Variants in NOX4 observed in about 807,000 individuals in gnomAD.
NOX4 encodes kidney oxidase-1.
In NOX4, 69 loss-of-function variants were observed where a neutral mutation model predicts 87.6. That is an observed-to-expected ratio of 0.79 (90% CI 0.65 to 0.96). NOX4 has a LOEUF of 0.96. Ranked by LOEUF, NOX4 falls within the 40% of genes least tolerant of loss-of-function variation. The pLI, the probability that NOX4 is intolerant of heterozygous loss-of-function variation, is 0.00. For synonymous variants in NOX4, 275 were observed against 238.2 expected (o/e 1.15, Z -1.42); for missense variants, 680 against 681.5 (o/e 1.00, Z 0.02).
At chr11:89,491,768 G>A (rs1309497947), upstream of NOX4, among the ~76,000 whole-genome samples, 3 of 106,646 alleles carry the variant, frequency 2.8e-5, no homozygotes, top group East Asian at 5.6e-4. Context: ...ACACACACAA[G>A]AAGACACAGC....
intron 11 of NOX4, among the ~76,000 whole-genome samples, chr11:89,382,675 G>A (rs1439367423): frequency 1.3e-5 from 2 of 151,876 alleles, no homozygotes; most frequent in Non-Finnish European, 1.5e-5. Flanking sequence ...GGCTGAATCA[G>A]GCTCCAAATC....
chr11:89,395,092 T>C (rs1003353969), intron 11 of NOX4, among the ~76,000 whole-genome samples: 11 of 152,188 alleles, frequency 7.2e-5, no homozygotes, highest in Non-Finnish European at 1.5e-4. Flanking sequence ...TCTCCCACAA[T>C]GGTTGAACTA....
chr11:89,465,868 G>A (rs1373187843), intron 2 of NOX4, among the ~76,000 whole-genome samples: 5 of 151,642 alleles, frequency 3.3e-5, no homozygotes, highest in Admixed American at 2.6e-4. Context: ...TGTAGATTCT[G>A]GATATTAGCC....
At chr11:89,464,628 G>A (rs1945600732) in intron 2 of NOX4, among the ~76,000 whole-genome samples, 1 of 152,028 alleles carries the variant, frequency 6.6e-6, no homozygotes, top group Non-Finnish European at 1.5e-5. Flanking sequence ...CTATGTGAAT[G>A]ATTTGTTTTA....
At chr11:89,506,307 G>A in the NOX4 span, among the ~76,000 whole-genome samples, 8 of 76,348 alleles carry the variant, frequency 1.0e-4, no homozygotes, top group Middle Eastern at 7.8e-3. Flanking sequence ...AAGAAAGAGA[G>A]AGAAAGAAAG....
chr11:89,370,636 C>A (rs1023396874), intron 12 of NOX4, among the ~76,000 whole-genome samples: 2 of 152,042 alleles, frequency 1.3e-5, no homozygotes, highest in African/African-American at 4.8e-5. Flanking sequence ...GAGAAATCTA[C>A]TTGGGTAATC....
chr11:89,568,353 GA>G, the NOX4 span, among the ~76,000 whole-genome samples: 1 of 152,144 alleles, frequency 6.6e-6, no homozygotes, highest in Non-Finnish European at 1.5e-5. Flanking sequence ...GAGTAATAAA[GA>G]AAACTGAAGA....
intron 2 of NOX4, among the ~76,000 whole-genome samples, chr11:89,461,352 T>C (rs1945454604): frequency 6.6e-6 from 1 of 151,206 alleles, no homozygotes; most frequent in African/African-American, 2.4e-5. Context: ...AATTAAAAAA[T>C]AAATAAATAA....
At chr11:89,342,940 T>C (rs1590969906) in intron 13 of NOX4, among the ~76,000 whole-genome samples, 2 of 152,168 alleles carry the variant, frequency 1.3e-5, no homozygotes, top group African/African-American at 4.8e-5. Flanking sequence ...ATTAATTTTA[T>C]TCAGGGAAGC....
chr11:89,499,531 T>G (rs1406621860), upstream of NOX4, among the ~76,000 whole-genome samples: 1 of 152,200 alleles, frequency 6.6e-6, no homozygotes, highest in Non-Finnish European at 1.5e-5. Flanking sequence ...AATTGTCTTG[T>G]CTTCTTCCTC....
At chr11:89,581,119 G>GA in the NOX4 span, among the ~76,000 whole-genome samples, 1 of 152,216 alleles carries the variant, frequency 6.6e-6, no homozygotes, top group African/African-American at 2.4e-5. Flanking sequence ...ATCTGAGTAT[G>GA]AAGTGGAGGG....
At chr11:89,511,456 T>C in the NOX4 span, among the ~76,000 whole-genome samples, 2 of 151,938 alleles carry the variant, frequency 1.3e-5, no homozygotes, top group South Asian at 4.1e-4. Flanking sequence ...TTCTATGAGA[T>C]TAACATCTTT....
At chr11:89,561,050 CAT>C in the NOX4 span, among the ~76,000 whole-genome samples, 5,551 of 28,388 alleles carry the variant, frequency 0.2, 341 homozygotes, top group South Asian at 0.28. Context: ...ATATATCATA[CAT>C]ATATATATAT....
At chr11:89,520,486 A>G in the NOX4 span, among the ~76,000 whole-genome samples, 1 of 152,148 alleles carries the variant, frequency 6.6e-6, no homozygotes, top group Non-Finnish European at 1.5e-5. Flanking sequence ...TGTTTAAAAA[A>G]GCTAAGAAAT....
chr11:89,525,355 A>T, the NOX4 span, among the ~76,000 whole-genome samples: 1 of 152,018 alleles, frequency 6.6e-6, no homozygotes, highest in African/African-American at 2.4e-5. Context: ...TAAGAGTTCC[A>T]GTTGTTCTAT....
chr11:89,399,115 AT>A (rs1396653997), intron 11 of NOX4, among the ~76,000 whole-genome samples: 1 of 151,776 alleles, frequency 6.6e-6, no homozygotes, highest in Non-Finnish European at 1.5e-5. Context: ...AACTCATGCT[AT>A]TTTTATAATT....
chr11:89,437,257 A>C (rs1429376149), intron 6 of NOX4, among the ~76,000 whole-genome samples: 1 of 152,016 alleles, frequency 6.6e-6, no homozygotes, highest in Non-Finnish European at 1.5e-5. Context: ...AATCCCAGTT[A>C]CTTGGGAGGC....
At chr11:89,566,667 C>A in the NOX4 span, among the ~76,000 whole-genome samples, 1 of 152,024 alleles carries the variant, frequency 6.6e-6, no homozygotes, top group African/African-American at 2.4e-5. Flanking sequence ...TGAAAACAGA[C>A]CATCATGAAG....
At chr11:89,583,397 G>C in the NOX4 span, among the ~76,000 whole-genome samples, 1 of 152,098 alleles carries the variant, frequency 6.6e-6, no homozygotes, top group Non-Finnish European at 1.5e-5. Flanking sequence ...TTCTTGAATG[G>C]GATAAGTGCA....
Sources: gnomAD v4.1 joint callset for allele counts (sites outside exome capture counted in the v4.1 genomes callset) on GRCh38, gnomAD v4.1.1 for gene constraint, MANE v1.5 for transcripts, NCBI Gene and HGNC (gene_info 2026-07-23, HGNC 2026-07-21) for gene names.